CUL9: variants seen among roughly 807,000 people sequenced by gnomAD.
CUL9 encodes the protein cullin-9.
CUL9 carries 79 observed loss-of-function variants against 272.6 expected under a neutral mutation model. That is an observed-to-expected ratio of 0.29 (90% confidence interval 0.24 to 0.35). The LOEUF (loss-of-function observed/expected upper bound fraction) is 0.35, where lower values mean the gene tolerates loss of function less well. Ranked by LOEUF, CUL9 falls within the 10% of genes least tolerant of loss-of-function variation. The probability of loss-of-function intolerance (pLI) is 1.00; values close to 1 mark genes in which losing one functional copy is unlikely to be tolerated. For missense variants in CUL9, 2,532 were observed against 3,255.6 expected (o/e 0.78, Z 5.41); for synonymous variants, 1,186 against 1,286.5 (o/e 0.92, Z 1.67).
chr6:43,202,610 G>A (rs1774694659), intron 16 of CUL9, 106 bp from the exon 17 acceptor site: 12 of 885,624 alleles, frequency 1.4e-5, no homozygotes, highest in Non-Finnish European at 2.1e-5. Flanking sequence ...TCTTAAACTA[G>A]CCTCAAGCGA....
Position 43,221,599 on chromosome 6 carries a change from C to A in CUL9, c.6753-86C>A. ...AGGGCAGGAGCAGAGGCCACAGCATCAACAGCGGTACATCTGGGCCCTTGG... is the reference window on the plus strand; with the variant it reads ...AGGGCAGGAGCAGAGGCCACAGCATAAACAGCGGTACATCTGGGCCCTTGG... On this transcript the variant is annotated intron_variant, in intron 34 of 40. Coordinates refer to ENST00000252050, the MANE Select transcript of CUL9 (RefSeq NM_015089.4). The surrounding 1 kb of genome is among the most constrained non-coding windows in gnomAD (Gnocchi z 4.2). The A allele has an allele frequency of 7.9e-7, 1 of 1,260,514 alleles. No individual in the cohort carries two copies. The highest frequency in any genetic ancestry group is 1.1e-6 in the Non-Finnish European group (1 of 883,400). The allele number at this position is 1,260,514 out of a possible 1,614,324, so 78.1% of individuals were successfully genotyped here. A position where few individuals can be genotyped will look rare whatever the true frequency, so the allele number is the denominator to read the frequency against.
Position 43,224,002 on chromosome 6 carries a change from C to A in CUL9, c.7285-93C>A. The A allele has an allele frequency of 8.2e-7, 1 of 1,219,654 alleles. No homozygotes were observed. The highest frequency in any genetic ancestry group is 1.2e-6 in the Non-Finnish European group (1 of 822,726). The allele number at this position is 1,219,654 out of a possible 1,614,324, so 75.6% of individuals were successfully genotyped here. A position where few individuals can be genotyped will look rare whatever the true frequency, so the allele number is the denominator to read the frequency against. ...GGGAGGGGAGCAGTCCTAGCAGGAG[C>A]TTGGCCCTCCCAGAGCATCAGTGGA... On this transcript the variant is annotated intron_variant, in intron 39 of 40. Coordinates refer to ENST00000252050, the MANE Select transcript of CUL9 (RefSeq NM_015089.4). This position sits in a 1 kb window ranked among gnomAD's most constrained non-coding sequence, Gnocchi z 4.2.
chr6:43,221,031 G>T lies in CUL9; in HGVS notation c.6588+120G>T. 2 of 1,470,676 alleles carry T rather than the reference G, an allele frequency of 1.4e-6. No individual in the cohort carries two copies. Among genetic ancestry groups the T allele is most frequent in the South Asian group, 1.3e-5 (1 of 75,534 alleles). The allele number at this position is 1,470,676 out of a possible 1,614,324, so 91.1% of individuals were successfully genotyped here. A position where few individuals can be genotyped will look rare whatever the true frequency, so the allele number is the denominator to read the frequency against. On this transcript the variant is annotated intron_variant, in intron 33 of 40. Coordinates refer to ENST00000252050, the MANE Select transcript of CUL9 (RefSeq NM_015089.4). This position sits in a 1 kb window ranked among gnomAD's most constrained non-coding sequence, Gnocchi z 4.2. Reference sequence around the variant, plus strand: ...GTCCTTCCTCAGCCTCTGCCACCCAGTTGAGCTCTGTTCCTCTTCCTGGAG... The same window carrying T: ...GTCCTTCCTCAGCCTCTGCCACCCATTTGAGCTCTGTTCCTCTTCCTGGAG...
At chr6:43,189,262 T>C (rs1562017283) in intron 8 of CUL9, among the ~76,000 whole-genome samples, 1 of 152,134 alleles carries the variant, frequency 6.6e-6, no homozygotes, top group Non-Finnish European at 1.5e-5. Flanking sequence ...CGATCTCGGC[T>C]CACTGCAACC....
chr6:43,202,842 C>T (rs144114817), intron 17 of CUL9, 21 bp downstream of exon 17: 2 of 1,603,134 alleles, frequency 1.2e-6, no homozygotes, highest in African/African-American at 1.3e-5. Context: ...TTGTGCCCAC[C>T]TTCACCTTGC....
intron 16 of CUL9, among the ~76,000 whole-genome samples, chr6:43,201,519 G>A (rs549050370): frequency 7.6e-4 from 116 of 152,078 alleles, no homozygotes; most frequent in Admixed American, 1.5e-3. Flanking sequence ...TCGCTCTGCC[G>A]CCCAGGCTGG....
In CUL9 at chr6:43,203,709, G is replaced by A; in HGVS notation, c.4025+117G>A. 1 of 1,437,058 alleles carries A rather than the reference G, an allele frequency of 7.0e-7. No individual in the cohort carries two copies. Among genetic ancestry groups the A allele is most frequent in the East Asian group, 2.3e-5 (1 of 43,708 alleles). 89.0% of individuals were successfully genotyped at this position (1,437,058 alleles called of 1,614,324 possible). On this transcript the variant is annotated intron_variant, in intron 19 of 40. Coordinates refer to ENST00000252050, the MANE Select transcript of CUL9 (RefSeq NM_015089.4). The surrounding 1 kb of genome is among the most constrained non-coding windows in gnomAD (Gnocchi z 5.0). ...CTGCAGCCAGGACATGAGGGGGAAG[G>A]TGAACGTAGGTGAGAAGTTTGTGTT...
Position 43,206,326 on chromosome 6 carries a change from A to G in CUL9, c.5028A>G (p.Glu1676=). 6.2e-7 allele frequency: 1 copy of G among 1,601,612 alleles called. No homozygotes were observed. The highest frequency in any genetic ancestry group is 2.2e-5 in the East Asian group (1 of 44,890). Residue 1676 remains glutamate, a synonymous_variant, in exon 26 of 41, where the codon GAA becomes GAG. Coordinates refer to ENST00000252050, the MANE Select transcript of CUL9 (RefSeq NM_015089.4). The surrounding 1 kb of genome is among the most constrained non-coding windows in gnomAD (Gnocchi z 4.8). ...EEKRLEEEEE[E]EEEEEAEKEL... ...GAAATCCTTCTGTCCCTCAGGAGGA[A>G]GAGGAGGAAGAGGAAGCTGAGAAAG...
Position 43,187,104 on chromosome 6 carries a change from A to G in CUL9, c.1387+9A>G. The G allele has an allele frequency of 1.2e-6, 2 of 1,613,628 alleles. No individual in the cohort carries two copies. ...TACTGTGTTGGGCACAGGTGAGCCT[A>G]AGAGGGGACATGGATAGCATGTCTC... is the stretch of plus-strand genomic sequence containing the variant. On this transcript the variant is annotated intron_variant, in intron 5 of 40. Transcript: ENST00000252050.
chr6:43,185,836 C>T, intron 3 of CUL9, 119 bp from the exon 4 acceptor site: 3 of 1,370,038 alleles, frequency 2.2e-6, no homozygotes, highest in East Asian at 2.3e-5. Flanking sequence ...ATCAAAGTTT[C>T]AGAACTACAG....
At chr6:43,191,860 C>T (rs926321927) in intron 8 of CUL9, among the ~76,000 whole-genome samples, 19 of 151,338 alleles carry the variant, frequency 1.3e-4, no homozygotes, top group South Asian at 1.3e-3. Context: ...GCTGGGATTA[C>T]AGGTGTGTGT....
At chr6:43,194,062 A>T (rs1189339093) in intron 9 of CUL9, among the ~76,000 whole-genome samples, 1 of 152,194 alleles carries the variant, frequency 6.6e-6, no homozygotes, top group Non-Finnish European at 1.5e-5. Context: ...TTACAGAAGA[A>T]TTGGCTTCCT....
chr6:43,193,361 C>A (rs1484309791), intron 9 of CUL9, among the ~76,000 whole-genome samples, 153 bp downstream of exon 9: 3 of 152,094 alleles, frequency 2.0e-5, no homozygotes, highest in African/African-American at 7.2e-5. Context: ...TCTGGACATT[C>A]TTCGGGATTA....
At position 43,202,836 on chromosome 6, in the gene CUL9, G is replaced by A. The variant is rs1774717563; in HGVS notation, c.3753+15G>A. 6.2e-7 allele frequency: 1 copy of A among 1,603,428 alleles called. No individual in the cohort carries two copies. The highest frequency in any genetic ancestry group is 1.3e-5 in the African/African-American group (1 of 74,806). ...AGCTCAACACGGTGGGGACCCTTGT[G>A]CCCACCTTCACCTTGCTCCACATCC... On this transcript the variant is annotated intron_variant, in intron 17 of 40. Coordinates refer to ENST00000252050, the MANE Select transcript of CUL9 (RefSeq NM_015089.4).
intron 26 of CUL9, among the ~76,000 whole-genome samples, chr6:43,208,791 T>C (rs115492491): frequency 2.0e-5 from 3 of 152,208 alleles, no homozygotes; most frequent in African/African-American, 2.4e-5. Flanking sequence ...TGGTAAAATA[T>C]ATCTAGCGTA....
chr6:43,202,938 T>C (rs957149597), intron 17 of CUL9, 117 bp downstream of exon 17: 4 of 1,236,356 alleles, frequency 3.2e-6, no homozygotes, highest in Non-Finnish European at 3.5e-6. Context: ...GGGAAGGTGT[T>C]GCCTTGTAAG....
In CUL9 at chr6:43,184,160, TG is replaced by T; in HGVS notation, c.-9-141del. 1 of 512,014 alleles carries T rather than the reference TG, an allele frequency of 2.0e-6. No homozygotes were observed. The allele number at this position is 512,014 out of a possible 1,614,324, so 31.7% of individuals were successfully genotyped here. On this transcript the variant is annotated intron_variant, in intron 1 of 40. Coordinates refer to ENST00000252050, the MANE Select transcript of CUL9 (RefSeq NM_015089.4). The surrounding 1 kb of genome is among the most constrained non-coding windows in gnomAD (Gnocchi z 4.8). Reference sequence around the variant, plus strand: ...CAGCTATTTATTCCATCCTATTTTTTGCCTTTTCTGTTTGGCCTCCTAAATT... The same window carrying T: ...CAGCTATTTATTCCATCCTATTTTTTCCTTTTCTGTTTGGCCTCCTAAATT...
rs1425329317 is a variant in CUL9 at position 43,204,452 on chromosome 6, T to C, written c.4252T>C (p.Phe1418Leu). ...SRNPLSRAAS[F>L]ASRVRRLCHL... ...GAACCCCTTGAGTCGAGCAGCGTCC[T>C]TTGCTTCTCGAGTTCGTCGCCTTTG... The change falls in exon 21 of 41, where the codon TTT becomes CTT. Residue 1418 changes from phenylalanine to leucine, a missense_variant. By Grantham distance (22) the Phe-to-Leu change is conservative. This residue lies in a region of CUL9 where 2,218 missense variants were observed against 2,788.6 expected (regional missense o/e 0.80). Transcript: ENST00000252050. 6.2e-7 allele frequency: 1 copy of C among 1,614,146 alleles called. No homozygotes were observed. The highest frequency in any genetic ancestry group is 8.5e-7 in the Non-Finnish European group (1 of 1,180,020).
chr6:43,193,262 G>T, intron 9 of CUL9, 54 bp downstream of exon 9: 1 of 1,540,376 alleles, frequency 6.5e-7, no homozygotes. Context: ...GGCAGACTGG[G>T]GACTACTGAT....
Sources: gnomAD v4.1 joint callset for allele counts (sites outside exome capture counted in the v4.1 genomes callset) on GRCh38, gnomAD v4.1.1 for gene constraint, gnomAD v4.1.1 regional missense constraint, Gnocchi (gnomAD v3.1) non-coding constraint, MANE v1.5 for transcripts, NCBI Gene and HGNC (gene_info 2026-07-23, HGNC 2026-07-21) for gene names.